Variants in TRABD2B observed in about 807,000 individuals in gnomAD.
TRABD2B encodes the protein metalloprotease TIKI2.
A neutral mutation model predicts 40.1 loss-of-function variants in TRABD2B; 14 were observed. That is an observed-to-expected ratio of 0.35 (90% CI 0.23 to 0.55). The LOEUF (loss-of-function observed/expected upper bound fraction) is 0.55. TRABD2B is among the 20% of genes least tolerant of loss of function. TRABD2B has a pLI of 0.90. For synonymous variants in TRABD2B, 263 were observed against 277.0 expected (o/e 0.95, Z 0.50); for missense variants, 541 against 648.6 (o/e 0.83, Z 1.80).
chr1:47,824,867 C>T (rs1341166154), intron 2 of TRABD2B, among the ~76,000 whole-genome samples: 1 of 152,222 alleles, frequency 6.6e-6, no homozygotes, highest in Non-Finnish European at 1.5e-5. Context: ...GCTCAGCCCA[C>T]ACCCTCAGAG....
chr1:47,984,694 T>C (rs1444620218), intron 2 of TRABD2B, among the ~76,000 whole-genome samples: 2 of 152,098 alleles, frequency 1.3e-5, no homozygotes, highest in African/African-American at 4.8e-5. Flanking sequence ...CCCTAGGCTT[T>C]ACCTGGCTTT....
intron 2 of TRABD2B, among the ~76,000 whole-genome samples, chr1:47,832,250 G>A (rs776100337): frequency 3.3e-5 from 5 of 152,008 alleles, no homozygotes; most frequent in Non-Finnish European, 5.9e-5. Context: ...GGAGAAAGGC[G>A]TGAATCCGGG....
intron 2 of TRABD2B, among the ~76,000 whole-genome samples, chr1:47,863,208 T>C (rs1007258940): frequency 2.6e-5 from 4 of 151,238 alleles, no homozygotes; most frequent in African/African-American, 9.7e-5. Flanking sequence ...AAAGAATTGA[T>C]AAGCTGGACT....
chr1:47,846,869 C>A (rs1557610200), intron 2 of TRABD2B, among the ~76,000 whole-genome samples: 3 of 151,334 alleles, frequency 2.0e-5, no homozygotes, highest in Non-Finnish European at 4.4e-5. Flanking sequence ...CACACACACA[C>A]ACACACACAC....
intron 2 of TRABD2B, among the ~76,000 whole-genome samples, chr1:47,988,983 G>C (rs1645961305): frequency 6.6e-6 from 1 of 152,198 alleles, no homozygotes. Flanking sequence ...ACTTCTGGGA[G>C]TAGATTAGTT....
chr1:47,914,670 C>G (rs1199939659), intron 2 of TRABD2B, among the ~76,000 whole-genome samples: 2 of 152,240 alleles, frequency 1.3e-5, no homozygotes, highest in Non-Finnish European at 2.9e-5. Context: ...GCCAAATCTT[C>G]CGGGGTGTCT....
At chr1:47,841,049 C>T (rs529034748) in intron 2 of TRABD2B, among the ~76,000 whole-genome samples, 36 of 152,292 alleles carry the variant, frequency 2.4e-4, no homozygotes, top group African/African-American at 8.7e-4. Context: ...TTGGGCAACA[C>T]TGACAGTGTC....
chr1:47,892,379 A>G (rs2124655039), intron 2 of TRABD2B, among the ~76,000 whole-genome samples: 1 of 152,332 alleles, frequency 6.6e-6, no homozygotes, highest in East Asian at 1.9e-4. Context: ...TGAGGGGGAG[A>G]ATCAACTATT....
chr1:47,775,541 A>G, intron 5 of TRABD2B, 102 bp from the exon 6 acceptor site: 2 of 1,169,798 alleles, frequency 1.7e-6, no homozygotes, highest in Non-Finnish European at 2.2e-6. Context: ...ATGGCAGGAG[A>G]AAGTGCCAGG....
At chr1:47,833,607 T>C (rs115898837) in intron 2 of TRABD2B, among the ~76,000 whole-genome samples, 2,545 of 152,354 alleles carry the variant, frequency 0.017, 32 homozygotes, top group Admixed American at 0.029. Flanking sequence ...AACATTTACC[T>C]GTTTTTCAGT....
rs549530641 is a variant in TRABD2B at position 47,991,540 on chromosome 1, G to A, written c.666+2494C>T. Among the ~76,000 whole-genome samples the A allele has an allele frequency of 2.6e-5, 4 of 152,294 alleles. No homozygotes were observed. The South Asian group carries it at 8.3e-4, about 32-fold the overall frequency. On this transcript the variant is annotated intron_variant, in intron 2 of 6. Transcript: ENST00000606738. The stretch of plus-strand genomic sequence containing the variant: ...ACCTGATCTTCCAAGCTGCGCAAGG[G>A]TGGAAGAAGCTTTTTCCAGGGTTCC...
chr1:47,902,850 G>C (rs980355405), intron 2 of TRABD2B, among the ~76,000 whole-genome samples: 1 of 152,204 alleles, frequency 6.6e-6, no homozygotes, highest in Non-Finnish European at 1.5e-5. Context: ...TATTGAGACT[G>C]AGGAATATAA....
intron 2 of TRABD2B, among the ~76,000 whole-genome samples, chr1:47,913,175 C>T (rs1237041344): frequency 1.3e-5 from 2 of 152,214 alleles, no homozygotes; most frequent in African/African-American, 2.4e-5. Flanking sequence ...CTTCTCCTCT[C>T]CATGCTTAGC....
chr1:47,821,668 G>T (rs12065262), intron 2 of TRABD2B, among the ~76,000 whole-genome samples: 47,278 of 151,740 alleles, frequency 0.31, 7,714 homozygotes, highest in Non-Finnish European at 0.37. Context: ...GACCCTGCCT[G>T]CCTGCCTCAG....
chr1:47,793,602 A>G (rs758326976), intron 4 of TRABD2B, among the ~76,000 whole-genome samples: 1 of 152,252 alleles, frequency 6.6e-6, no homozygotes, highest in Non-Finnish European at 1.5e-5. Flanking sequence ...TCCAGGAGCC[A>G]TCTCATTAAT....
chr1:47,996,651 G>A lies in TRABD2B; in HGVS notation c.102+37C>T. 1 of 1,227,258 alleles carries A rather than the reference G, an allele frequency of 8.1e-7. No individual in the cohort carries two copies. The highest frequency in any genetic ancestry group is 1.0e-6 in the Non-Finnish European group (1 of 983,862). The allele number at this position is 1,227,258 out of a possible 1,614,324, so 76.0% of individuals were successfully genotyped here. On this transcript the variant is annotated intron_variant, in intron 1 of 6. Transcript: ENST00000606738. This position sits in a 1 kb window ranked among gnomAD's most constrained non-coding sequence, Gnocchi z 4.6. ...TGGTCCCACGGGACTAGAATACCCAGGCAGGCGGGAGAGTGGCCGGGCAGG... is the reference window on the plus strand; with the variant it reads ...TGGTCCCACGGGACTAGAATACCCAAGCAGGCGGGAGAGTGGCCGGGCAGG...
At chr1:47,924,434 A>G (rs1223799246) in intron 2 of TRABD2B, among the ~76,000 whole-genome samples, 2 of 152,164 alleles carry the variant, frequency 1.3e-5, no homozygotes, top group African/African-American at 4.8e-5. Context: ...ACCCCGGTAC[A>G]TGGTCCCTTA....
intron 2 of TRABD2B, among the ~76,000 whole-genome samples, chr1:47,880,524 C>T (rs1034516436): frequency 2.0e-5 from 3 of 152,108 alleles, no homozygotes; most frequent in East Asian, 1.9e-4. Context: ...GCATGGAACG[C>T]GGATACCAGG....
At chr1:47,952,505 G>A (rs897959922) in intron 2 of TRABD2B, among the ~76,000 whole-genome samples, 1 of 152,196 alleles carries the variant, frequency 6.6e-6, no homozygotes, top group Non-Finnish European at 1.5e-5. Context: ...CCCATCTGCT[G>A]ACTGCTGTTC....
Sources: allele counts gnomAD v4.1 joint callset (sites outside exome capture counted in the v4.1 genomes callset), GRCh38; gene constraint gnomAD v4.1.1; non-coding constraint Gnocchi (gnomAD v3.1); transcripts MANE v1.5; gene names NCBI Gene and HGNC (gene_info 2026-07-23, HGNC 2026-07-21).